Variants in PDE4D observed in about 807,000 individuals in gnomAD.
PDE4D encodes 3',5'-cyclic-AMP phosphodiesterase 4D.
A neutral mutation model predicts 87.4 loss-of-function variants in PDE4D; 24 were observed. That is an observed-to-expected ratio of 0.27 (90% CI 0.20 to 0.39). The LOEUF is 0.39. Among genes scored for constraint, PDE4D ranks in the 10% least tolerant of loss-of-function variants. The pLI, the probability that PDE4D is intolerant of heterozygous loss-of-function variation, is 1.00. For missense variants in PDE4D, 714 were observed against 1,041.0 expected (o/e 0.69, Z 4.32); for synonymous variants, 384 against 383.2 (o/e 1.00, Z -0.02).
chr5:59,487,215 GC>G (rs1805310031), intron 1 of PDE4D, among the ~76,000 whole-genome samples: 1 of 152,146 alleles, frequency 6.6e-6, no homozygotes. Context: ...TAACAATGAT[GC>G]TTTTTCAGGA....
intron 1 of PDE4D, among the ~76,000 whole-genome samples, chr5:59,515,569 C>T (rs1811014811): frequency 6.6e-6 from 1 of 152,118 alleles, no homozygotes; most frequent in African/African-American, 2.4e-5. Flanking sequence ...GAAGAAACAT[C>T]ATTAAAAGTA....
intron 1 of PDE4D, among the ~76,000 whole-genome samples, chr5:59,591,579 C>A (rs1825928817): frequency 6.6e-6 from 1 of 152,058 alleles, no homozygotes; most frequent in Non-Finnish European, 1.5e-5. Context: ...AATAAAACTC[C>A]TGTATATTTA....
At chr5:60,025,175 T>C (rs1766494930) in intron 2 of PDE4D, among the ~76,000 whole-genome samples, 1 of 152,184 alleles carries the variant, frequency 6.6e-6, no homozygotes, top group Non-Finnish European at 1.5e-5. Flanking sequence ...ACTTTATTAG[T>C]TGGCCTCACT....
chr5:59,639,784 C>A (rs1454127655), intron 1 of PDE4D, among the ~76,000 whole-genome samples: 1 of 150,700 alleles, frequency 6.6e-6, no homozygotes, highest in Middle Eastern at 3.2e-3. Flanking sequence ...ATAATATCAC[C>A]CCTGCCAATT....
At chr5:60,006,741 C>T (rs1437964991) in intron 2 of PDE4D, among the ~76,000 whole-genome samples, 3 of 151,906 alleles carry the variant, frequency 2.0e-5, no homozygotes, top group Non-Finnish European at 4.4e-5. Context: ...TCTAATCCAA[C>T]CATTAAGTAT....
chr5:59,621,926 A>C (rs1830394760), intron 1 of PDE4D, among the ~76,000 whole-genome samples: 1 of 152,166 alleles, frequency 6.6e-6, no homozygotes, highest in Non-Finnish European at 1.5e-5. Flanking sequence ...AATGACTTAA[A>C]TTTGTATGAC....
At chr5:60,076,459 G>C (rs935205597) in intron 2 of PDE4D, among the ~76,000 whole-genome samples, 2 of 152,088 alleles carry the variant, frequency 1.3e-5, no homozygotes, top group African/African-American at 4.8e-5. Context: ...CGCCTGGCCT[G>C]TTCCTCCAAT....
chr5:60,015,635 A>AT (rs921475199), intron 2 of PDE4D, among the ~76,000 whole-genome samples: 58 of 152,110 alleles, frequency 3.8e-4, no homozygotes, highest in African/African-American at 1.3e-3. Context: ...CCGTGAAACT[A>AT]TTTTTTAGAT....
chr5:60,466,056 C>T (rs779855872), intron 1 of PDE4D, among the ~76,000 whole-genome samples: 11 of 152,068 alleles, frequency 7.2e-5, no homozygotes, highest in East Asian at 5.8e-4. Flanking sequence ...GACTGTATTT[C>T]GAAACTCTAG....
intron 1 of PDE4D, among the ~76,000 whole-genome samples, chr5:59,347,920 A>G (rs1312672542): frequency 1.3e-5 from 2 of 152,266 alleles, no homozygotes; most frequent in African/African-American, 4.8e-5. Context: ...TTGAACTTAT[A>G]TGCAAATAAA....
chr5:60,238,011 C>T (rs1746624962), intron 1 of PDE4D, among the ~76,000 whole-genome samples: 2 of 151,910 alleles, frequency 1.3e-5, no homozygotes, highest in South Asian at 4.1e-4. Context: ...AAAAATCCTA[C>T]AATTGGTGTT....
chr5:59,201,199 G>A (rs566746323), intron 2 of PDE4D, among the ~76,000 whole-genome samples: 7 of 152,054 alleles, frequency 4.6e-5, no homozygotes, highest in Non-Finnish European at 8.8e-5. Flanking sequence ...AAGGAAACAT[G>A]CTTATTTTAA....
intron 1 of PDE4D, among the ~76,000 whole-genome samples, chr5:60,262,025 C>T (rs1749695803): frequency 6.6e-6 from 1 of 152,070 alleles, no homozygotes; most frequent in Admixed American, 6.6e-5. Context: ...TTTCTAGTCT[C>T]TTCACCAACC....
intron 1 of PDE4D, among the ~76,000 whole-genome samples, chr5:60,428,538 T>C (rs1743916281): frequency 6.6e-6 from 1 of 152,166 alleles, no homozygotes; most frequent in African/African-American, 2.4e-5. Context: ...CTCAAAAACC[T>C]TACAATTATA....
At chr5:59,647,712 G>T (rs1742711440) in intron 1 of PDE4D, among the ~76,000 whole-genome samples, 2 of 151,876 alleles carry the variant, frequency 1.3e-5, no homozygotes, top group South Asian at 4.2e-4. Flanking sequence ...CAGAAGAAAA[G>T]GTTGTATCAT....
At chr5:60,103,164 T>C (rs933066524) in intron 2 of PDE4D, among the ~76,000 whole-genome samples, 2 of 152,152 alleles carry the variant, frequency 1.3e-5, no homozygotes, top group Non-Finnish European at 2.9e-5. Flanking sequence ...GAAGAATAAA[T>C]GCAGTCAGTG....
intron 1 of PDE4D, among the ~76,000 whole-genome samples, chr5:60,268,326 T>A (rs1462558530): frequency 6.6e-6 from 1 of 152,218 alleles, no homozygotes; most frequent in African/African-American, 2.4e-5. Context: ...TGCTTACTTC[T>A]AGGACCCACC....
intron 6 of PDE4D, among the ~76,000 whole-genome samples, chr5:59,033,438 A>G (rs2153386942): frequency 6.6e-6 from 1 of 152,360 alleles, no homozygotes; most frequent in East Asian, 1.9e-4. Context: ...CTACGCTATC[A>G]CAAAATTAAC....
intron 1 of PDE4D, among the ~76,000 whole-genome samples, chr5:59,430,973 C>T (rs1333371508): frequency 1.3e-5 from 2 of 152,038 alleles, no homozygotes; most frequent in South Asian, 4.1e-4. Context: ...TTTTCCAATT[C>T]TCTGGTAAAA....
Sources: gnomAD v4.1 joint callset for allele counts (sites outside exome capture counted in the v4.1 genomes callset) on GRCh38, gnomAD v4.1.1 for gene constraint, MANE v1.5 for transcripts, NCBI Gene and HGNC (gene_info 2026-07-23, HGNC 2026-07-21) for gene names.